ARL15: variants seen among roughly 807,000 people sequenced by gnomAD.
The protein encoded by ARL15 is ARF like GTPase 15.
A neutral mutation model predicts 25.2 loss-of-function variants in ARL15; 19 were observed. The observed-to-expected ratio is 0.75, with a 90% confidence interval of 0.53 to 1.10. ARL15 has a LOEUF of 1.10. Ranked by LOEUF, ARL15 falls within the 50% of genes least tolerant of loss-of-function variation. ARL15 has a pLI of 0.00. For synonymous variants in ARL15, 94 were observed against 86.8 expected, an observed-to-expected ratio of 1.08 and a Z score of -0.46; for missense variants, 220 against 246.0, an observed-to-expected ratio of 0.89 and a Z score of 0.71.
intron 4 of ARL15, among the ~76,000 whole-genome samples, chr5:54,049,985 T>C (rs975361953): frequency 2.0e-5 from 3 of 152,194 alleles, no homozygotes; most frequent in African/African-American, 7.2e-5. Context: ...TTTATTGGTG[T>C]GTTCAGATGG....
chr5:54,129,551 A>G (rs578203784), intron 3 of ARL15, among the ~76,000 whole-genome samples: 124 of 152,332 alleles, frequency 8.1e-4, no homozygotes, highest in African/African-American at 2.9e-3. Flanking sequence ...AAGGCACAGA[A>G]CAGAAATTAA....
chr5:54,132,394 T>G (rs895134458), intron 3 of ARL15, among the ~76,000 whole-genome samples: 47 of 152,122 alleles, frequency 3.1e-4, no homozygotes, highest in African/African-American at 1.0e-3. Flanking sequence ...CAAGGAAATC[T>G]TTAACCCAAA....
chr5:53,966,975 G>T (rs1205178541), intron 4 of ARL15, among the ~76,000 whole-genome samples: 1 of 152,164 alleles, frequency 6.6e-6, no homozygotes, highest in Non-Finnish European at 1.5e-5. Context: ...AATAAGCTGT[G>T]TTGCAGCCAT....
chr5:53,958,405 A>G (rs1747243377), intron 4 of ARL15, among the ~76,000 whole-genome samples: 1 of 152,168 alleles, frequency 6.6e-6, no homozygotes, highest in Admixed American at 6.5e-5. Flanking sequence ...CATAGTAAGC[A>G]CTAGGAAAAT....
At chr5:54,130,023 G>C (rs907600635) in intron 3 of ARL15, among the ~76,000 whole-genome samples, 7 of 152,132 alleles carry the variant, frequency 4.6e-5, no homozygotes, top group Non-Finnish European at 1.0e-4. Context: ...AAGATTGCTT[G>C]AGCCCAGGAG....
intron 1 of ARL15, among the ~76,000 whole-genome samples, chr5:54,183,298 G>A (rs1363516660): frequency 8.9e-6 from 1 of 112,890 alleles, no homozygotes; most frequent in Non-Finnish European, 1.9e-5. Context: ...GTCATAGATA[G>A]CTCTTATTAT....
chr5:53,947,167 G>GGGGTGTGT (rs752822788), intron 4 of ARL15, among the ~76,000 whole-genome samples: 3,034 of 123,612 alleles, frequency 0.025, 56 homozygotes, highest in East Asian at 0.036. Flanking sequence ...AATAAATAAG[G>GGGGTGTGT]GTGTGTGTGT....
chr5:54,083,252 T>G (rs1751861295), intron 4 of ARL15, among the ~76,000 whole-genome samples: 1 of 152,218 alleles, frequency 6.6e-6, no homozygotes, highest in Admixed American at 6.5e-5. Flanking sequence ...GAAAAGCTCA[T>G]ATATTCTGTT....
chr5:54,264,054 C>A (rs1216110514), intron 1 of ARL15, among the ~76,000 whole-genome samples: 1 of 152,104 alleles, frequency 6.6e-6, no homozygotes, highest in Non-Finnish European at 1.5e-5. Flanking sequence ...GACTCTGTCT[C>A]CACCTTTTCA....
chr5:53,919,974 A>T (rs7721753), intron 4 of ARL15, among the ~76,000 whole-genome samples: 91,338 of 151,956 alleles, frequency 0.6, 28,245 homozygotes, highest in African/African-American at 0.75. Flanking sequence ...CTTTGAAGGG[A>T]TTGGGTATAG....
rs576177980 is a variant in ARL15 at position 53,906,640 on chromosome 5, GAA to G, written c.463-19929_463-19928del. Reference sequence around the variant, plus strand: ...ATTAACTAACACTCATGGAGGAATTGAAAAGAGTTCCCTAAATGAGCAAATCA... The same window carrying G: ...ATTAACTAACACTCATGGAGGAATTGAAGAGTTCCCTAAATGAGCAAATCA... On this transcript the variant is annotated intron_variant, in intron 4 of 4. Coordinates refer to ENST00000504924, the MANE Select transcript of ARL15 (RefSeq NM_019087.3). Among the ~76,000 whole-genome samples, 33 of 152,280 alleles carry G rather than the reference GAA, an allele frequency of 2.2e-4. No individual in the cohort carries two copies. The South Asian group carries it at 2.5e-3, about 12-fold the overall frequency.
rs145362546 is a variant in ARL15 at position 54,261,787 on chromosome 5, T to C, written c.48+48645A>G. Among the ~76,000 whole-genome samples, 552 of 152,162 alleles carry C rather than the reference T, an allele frequency of 3.6e-3. 2 individuals are homozygous for C. The highest frequency in any genetic ancestry group is 0.013 in the African/African-American group (535 of 41,524). ...ACACACCCCATGACCACACCGTTTTTTCGGGAGGGTGGGGGTCACTTGCTC... is the reference window on the plus strand; with the variant it reads ...ACACACCCCATGACCACACCGTTTTCTCGGGAGGGTGGGGGTCACTTGCTC... On this transcript the variant is annotated intron_variant, in intron 1 of 4. Transcript: ENST00000504924.
chr5:54,072,049 A>G (rs920289644), intron 4 of ARL15, among the ~76,000 whole-genome samples: 1 of 152,122 alleles, frequency 6.6e-6, no homozygotes, highest in Non-Finnish European at 1.5e-5. Flanking sequence ...ATAATGAAAT[A>G]GACATCCCAC....
intron 1 of ARL15, among the ~76,000 whole-genome samples, chr5:54,224,969 C>T (rs1364726567): frequency 6.6e-6 from 1 of 152,174 alleles, no homozygotes; most frequent in Admixed American, 6.5e-5. Flanking sequence ...AATAAAGGCA[C>T]TGGAGTCAAA....
At chr5:54,204,251 T>C (rs1456029598) in intron 1 of ARL15, among the ~76,000 whole-genome samples, 1 of 152,182 alleles carries the variant, frequency 6.6e-6, no homozygotes, top group Non-Finnish European at 1.5e-5. Flanking sequence ...TTTCCATCCA[T>C]GAAGACACAT....
intron 4 of ARL15, chr5:53,887,326 A>G (rs1471895120): frequency 2.9e-6 from 2 of 698,612 alleles, no homozygotes; most frequent in Non-Finnish European, 5.2e-6. Flanking sequence ...ACTTACATAA[A>G]TTTACATATA....
At position 54,097,734 on chromosome 5, in the gene ARL15, T is replaced by G. The variant is rs574575771; in HGVS notation, c.462+15468A>C. Among the ~76,000 whole-genome samples the G allele has an allele frequency of 5.9e-5, 9 of 152,334 alleles. No homozygotes were observed. The South Asian group carries it at 1.9e-3, about 32-fold the overall frequency. ...TAAAAGGAGTAAAAGAAGAATAAGA[T>G]GTAAAATATACTCATTTAAGCTTAA... On this transcript the variant is annotated intron_variant, in intron 4 of 4. Coordinates refer to ENST00000504924, the MANE Select transcript of ARL15 (RefSeq NM_019087.3).
At chr5:54,014,116 G>A (rs1039998734) in intron 4 of ARL15, among the ~76,000 whole-genome samples, 3 of 152,130 alleles carry the variant, frequency 2.0e-5, no homozygotes, top group Admixed American at 6.5e-5. Flanking sequence ...AATGGTTATT[G>A]GAGCATTTTG....
rs908635460 is a variant in ARL15 at position 54,008,830 on chromosome 5, C to T, written c.462+104372G>A. On this transcript the variant is annotated intron_variant, in intron 4 of 4. Coordinates refer to ENST00000504924, the MANE Select transcript of ARL15 (RefSeq NM_019087.3). ...TGGTAGATTAAAATGTTAATACTTA[C>T]GTTAATAAGATAAAATGTCATTAAC... Among the ~76,000 whole-genome samples, 4 of 152,206 alleles carry T rather than the reference C, an allele frequency of 2.6e-5. No homozygotes were observed. In the East Asian group the frequency reaches 5.8e-4, roughly 22 times the overall value.
Sources: allele counts gnomAD v4.1 joint callset (sites outside exome capture counted in the v4.1 genomes callset), GRCh38; gene constraint gnomAD v4.1.1; transcripts MANE v1.5; gene names NCBI Gene and HGNC (gene_info 2026-07-23, HGNC 2026-07-21).